The following C8orf34 variants were observed in gnomAD, a reference collection of about 807,000 sequenced individuals.
The protein encoded by C8orf34 is chromosome 8 open reading frame 34.
In C8orf34, 65 loss-of-function variants were observed where a neutral mutation model predicts 68.3. The ratio of observed to expected loss-of-function variants is 0.95; its 90% confidence interval spans 0.78 to 1.17. C8orf34 has a LOEUF of 1.17. C8orf34 is among the 50% of genes most tolerant of loss of function. The pLI, the probability that C8orf34 is intolerant of heterozygous loss-of-function variation, is 0.00. For missense variants in C8orf34, 664 were observed against 655.4 expected (o/e 1.01, Z -0.14); for synonymous variants, 244 against 241.2 (o/e 1.01, Z -0.11).
intron 1 of C8orf34, among the ~76,000 whole-genome samples, chr8:68,369,839 T>C (rs906481272): frequency 3.9e-5 from 6 of 152,218 alleles, no homozygotes; most frequent in African/African-American, 1.4e-4. Context: ...GCACAGGCAC[T>C]TCGAGTATCA....
intron 7 of C8orf34, among the ~76,000 whole-genome samples, chr8:68,637,339 T>C (rs1245980893): frequency 1.3e-5 from 2 of 152,130 alleles, no homozygotes; most frequent in Non-Finnish European, 2.9e-5. Context: ...CCAAGTAGAG[T>C]GCCTGAATAT....
chr8:68,495,837 A>G (rs1409366783), intron 5 of C8orf34, among the ~76,000 whole-genome samples: 1 of 152,244 alleles, frequency 6.6e-6, no homozygotes, highest in Non-Finnish European at 1.5e-5. Flanking sequence ...TAATTATTCA[A>G]TTAATAATTG....
chr8:68,449,915 T>C (rs941916275), intron 3 of C8orf34, among the ~76,000 whole-genome samples: 1 of 152,140 alleles, frequency 6.6e-6, no homozygotes, highest in Non-Finnish European at 1.5e-5. Context: ...AAGTTATTCA[T>C]AATATGTGAT....
At chr8:68,475,166 G>C (rs973983275) in intron 4 of C8orf34, among the ~76,000 whole-genome samples, 1 of 152,078 alleles carries the variant, frequency 6.6e-6, no homozygotes. Flanking sequence ...TCCTTCCACT[G>C]CTTCCCTCTT....
intron 8 of C8orf34, among the ~76,000 whole-genome samples, chr8:68,653,986 A>G (rs2130787697): frequency 6.6e-6 from 1 of 152,326 alleles, no homozygotes; most frequent in East Asian, 1.9e-4. Context: ...ATGTTTTAAT[A>G]CATATTTATA....
chr8:68,784,164 G>T (rs1245043980), intron 11 of C8orf34, among the ~76,000 whole-genome samples: 1 of 151,880 alleles, frequency 6.6e-6, no homozygotes, highest in African/African-American at 2.4e-5. Context: ...GGCTTTTCTT[G>T]GTTGTGACCC....
chr8:68,565,795 A>T (rs1816570717), intron 7 of C8orf34, among the ~76,000 whole-genome samples: 2 of 152,194 alleles, frequency 1.3e-5, no homozygotes. Flanking sequence ...AGTTTGCCTA[A>T]TTCTAGTCTA....
intron 1 of C8orf34, among the ~76,000 whole-genome samples, chr8:68,332,647 G>C (rs1299491787): frequency 6.6e-6 from 1 of 152,066 alleles, no homozygotes; most frequent in African/African-American, 2.4e-5. Context: ...GGTCCAATAG[G>C]TCTTTTGGGA....
intron 12 of C8orf34, among the ~76,000 whole-genome samples, chr8:68,797,598 A>C (rs563853521): frequency 2.2e-4 from 33 of 152,216 alleles, no homozygotes; most frequent in African/African-American, 7.7e-4. Flanking sequence ...GTTTCCAGGC[A>C]GTCTCCCAAG....
chr8:68,613,192 A>T (rs1026778966), intron 7 of C8orf34, among the ~76,000 whole-genome samples: 15 of 152,124 alleles, frequency 9.9e-5, no homozygotes, highest in African/African-American at 3.6e-4. Flanking sequence ...ATTAAACTTG[A>T]TGGTACAAGA....
intron 8 of C8orf34, among the ~76,000 whole-genome samples, chr8:68,675,368 A>G (rs1413990925): frequency 1.3e-5 from 2 of 152,196 alleles, no homozygotes; most frequent in Non-Finnish European, 2.9e-5. Flanking sequence ...ACTTTTCAAG[A>G]CAGACAGTAT....
At chr8:68,536,582 T>C (rs983954159) in intron 7 of C8orf34, among the ~76,000 whole-genome samples, 1 of 151,966 alleles carries the variant, frequency 6.6e-6, no homozygotes, top group Non-Finnish European at 1.5e-5. Context: ...CTCTTTATGA[T>C]TGATATTCAT....
At chr8:68,729,010 A>C (rs1395410690) in intron 10 of C8orf34, among the ~76,000 whole-genome samples, 1 of 152,202 alleles carries the variant, frequency 6.6e-6, no homozygotes, top group Non-Finnish European at 1.5e-5. Context: ...AAAATAATGA[A>C]TTTGGATAAG....
rs138596067 is a variant in C8orf34, at chr8:68,425,560, C to G, written c.328-13939C>G. Among the ~76,000 whole-genome samples the G allele has an allele frequency of 1.3e-3, 193 of 152,148 alleles. 1 individual carries two copies. Among genetic ancestry groups the G allele is most frequent in the African/African-American group, 4.5e-3 (185 of 41,538 alleles). Reference sequence around the variant, plus strand: ...ACTAAAGAAAAATCATGTACCAGATCTTTACGATGAAAAGTACAAAATGCT... The same window carrying G: ...ACTAAAGAAAAATCATGTACCAGATGTTTACGATGAAAAGTACAAAATGCT... On this transcript the variant is annotated intron_variant, in intron 1 of 13. Coordinates refer to ENST00000518698, the MANE Select transcript of C8orf34 (RefSeq NM_052958.4).
intron 1 of C8orf34, among the ~76,000 whole-genome samples, chr8:68,334,934 G>A (rs1805783418): frequency 6.6e-6 from 1 of 152,134 alleles, no homozygotes; most frequent in Admixed American, 6.5e-5. Context: ...TTCCAGCCAT[G>A]TATGCAACCC....
At chr8:68,726,157 C>A (rs1821824559) in intron 10 of C8orf34, among the ~76,000 whole-genome samples, 1 of 152,170 alleles carries the variant, frequency 6.6e-6, no homozygotes, top group African/African-American at 2.4e-5. Context: ...GATCCGCCCG[C>A]CTCGGCCTCC....
intron 5 of C8orf34, among the ~76,000 whole-genome samples, chr8:68,515,289 A>G (rs937560827): frequency 6.6e-6 from 1 of 151,508 alleles, no homozygotes; most frequent in Non-Finnish European, 1.5e-5. Context: ...TTTTTCCTGT[A>G]ATGCCTACAG....
At position 68,474,110 on chromosome 8, in the gene C8orf34, A is replaced by G. The variant is rs948398389; in HGVS notation, c.736+5290A>G. Among the ~76,000 whole-genome samples the G allele has an allele frequency of 1.3e-5, 2 of 152,076 alleles. 1 individual carries two copies. ...TCAACCTCATTCACCCTCCTCATTT[A>G]TCACCCCTACGCAGCTAACTCAAAT... On this transcript the variant is annotated intron_variant, in intron 4 of 13. Coordinates refer to ENST00000518698, the MANE Select transcript of C8orf34 (RefSeq NM_052958.4).
chr8:68,745,926 A>G (rs1281745043), intron 10 of C8orf34, among the ~76,000 whole-genome samples: 6 of 152,190 alleles, frequency 3.9e-5, no homozygotes. Flanking sequence ...GATCAACAGA[A>G]TATACATTTT....
Sources: gnomAD v4.1 joint callset for allele counts (sites outside exome capture counted in the v4.1 genomes callset) on GRCh38, gnomAD v4.1.1 for gene constraint, MANE v1.5 for transcripts, NCBI Gene and HGNC (gene_info 2026-07-23, HGNC 2026-07-21) for gene names.